The following AK7 variants were observed in gnomAD, a reference collection of about 807,000 sequenced individuals.
The protein encoded by AK7 is adenylate kinase 7, also known as ATP-AMP transphosphorylase 7.
In AK7, 78 loss-of-function variants were observed where a neutral mutation model predicts 96.6. The observed-to-expected ratio is 0.81, with a 90% CI of 0.67 to 0.97. The LOEUF (loss-of-function observed/expected upper bound fraction) is 0.97, where lower values mean the gene tolerates loss of function less well. Among genes scored for constraint, AK7 ranks in the 50% least tolerant of loss-of-function variants. The pLI, the probability that AK7 is intolerant of heterozygous loss-of-function variation, is 0.00. For missense variants in AK7, 855 were observed against 887.9 expected (o/e 0.96, Z 0.47); for synonymous variants, 302 against 317.2 (o/e 0.95, Z 0.51).
chr14:96,425,178 C>G (rs1410431436), intron 5 of AK7, among the ~76,000 whole-genome samples: 2 of 152,168 alleles, frequency 1.3e-5, no homozygotes, highest in East Asian at 3.9e-4. Context: ...TTAACACATT[C>G]ATTTAACTAA....
chr14:96,454,719 G>A (rs551352341), intron 10 of AK7, among the ~76,000 whole-genome samples: 11 of 150,234 alleles, frequency 7.3e-5, no homozygotes, highest in Non-Finnish European at 1.0e-4. Flanking sequence ...AGCTGGCCTC[G>A]TTTTTTGTAG....
chr14:96,450,066 C>A (rs1893501043), intron 9 of AK7, among the ~76,000 whole-genome samples, 187 bp downstream of exon 9: 1 of 152,066 alleles, frequency 6.6e-6, no homozygotes, highest in Admixed American at 6.6e-5. Context: ...TACCCTAAGA[C>A]AACTTACTCT....
intron 4 of AK7, among the ~76,000 whole-genome samples, chr14:96,420,265 G>A (rs750791851): frequency 1.6e-4 from 24 of 151,860 alleles, no homozygotes; most frequent in Non-Finnish European, 3.1e-4. Flanking sequence ...GGGAGGCTGA[G>A]GTGGGCAGAT....
Position 96,471,541 on chromosome 14 carries a change from G to A in AK7, c.1421G>A (p.Arg474Lys). ...GAAAAGCTAAAATCAATGCCTTGCAGGAATCAAGGTTATATTTTGGATGGA... is the reference window on the plus strand; with the variant it reads ...GAAAAGCTAAAATCAATGCCTTGCAAGAATCAAGGTTATATTTTGGATGGA... ...MKEKLKSMPC[R>K]NQGYILDGFP... The change falls in exon 13 of 18, where the codon AGG (arginine) becomes AAG (lysine). Residue 474 changes from arginine to lysine, a missense_variant. Coordinates refer to ENST00000267584, the MANE Select transcript of AK7 (RefSeq NM_152327.5). 3 of 1,584,796 alleles carry A rather than the reference G, an allele frequency of 1.9e-6. No homozygotes were observed. Among genetic ancestry groups the A allele is most frequent in the Non-Finnish European group, 2.6e-6 (3 of 1,160,776 alleles).
chr14:96,468,547 T>A (rs1894711009), intron 12 of AK7, among the ~76,000 whole-genome samples: 1 of 152,062 alleles, frequency 6.6e-6, no homozygotes, highest in Non-Finnish European at 1.5e-5. Context: ...TCCACCTGCC[T>A]CGGGCTCCCA....
At chr14:96,440,496 C>A (rs996281780) in intron 6 of AK7, among the ~76,000 whole-genome samples, 5 of 152,144 alleles carry the variant, frequency 3.3e-5, no homozygotes, top group Admixed American at 6.6e-5. Context: ...CAGTCTCCAG[C>A]GAGGCTCTCT....
intron 1 of AK7, 109 bp from the exon 2 acceptor site, chr14:96,397,966 G>A: frequency 9.1e-7 from 1 of 1,104,176 alleles, no homozygotes; most frequent in Non-Finnish European, 1.3e-6. Context: ...GCTTTGCCTT[G>A]GTGGCACCCA....
intron 6 of AK7, among the ~76,000 whole-genome samples, chr14:96,439,532 C>T (rs1892838985): frequency 6.6e-6 from 1 of 151,864 alleles, no homozygotes; most frequent in African/African-American, 2.4e-5. Context: ...GGCATGGTGG[C>T]GGGAGCCTGT....
chr14:96,442,135 G>C (rs1272490438), intron 6 of AK7, among the ~76,000 whole-genome samples: 1 of 152,136 alleles, frequency 6.6e-6, no homozygotes, highest in Admixed American at 6.5e-5. Context: ...ATGTCTGTTT[G>C]GTTACTGAAA....
intron 5 of AK7, among the ~76,000 whole-genome samples, chr14:96,434,196 T>G (rs1892512669): frequency 6.6e-6 from 1 of 152,218 alleles, no homozygotes; most frequent in Non-Finnish European, 1.5e-5. Context: ...TACCTGTCCC[T>G]CTTGGGAAGG....
intron 5 of AK7, among the ~76,000 whole-genome samples, chr14:96,431,096 G>A (rs575195677): frequency 2.4e-4 from 36 of 152,016 alleles, no homozygotes; most frequent in African/African-American, 8.4e-4. Flanking sequence ...TTGTGGGATC[G>A]GTGGCAATAT....
chr14:96,467,913 C>T (rs1203920462), intron 12 of AK7, among the ~76,000 whole-genome samples: 1 of 151,890 alleles, frequency 6.6e-6, no homozygotes, highest in Non-Finnish European at 1.5e-5. Flanking sequence ...AAGTGGAACA[C>T]TTTTGCTTCT....
chr14:96,400,725 CTT>C (rs1194211090), intron 2 of AK7, among the ~76,000 whole-genome samples: 5 of 152,340 alleles, frequency 3.3e-5, no homozygotes, highest in Admixed American at 2.6e-4. Flanking sequence ...GCAAGCATCT[CTT>C]TGAGTCTCAC....
chr14:96,472,713 G>A lies in AK7; in HGVS notation c.1513G>A (p.Val505Ile). ...GGAAGATGAGGAGGAGGAAGATGATGTCAGAGGCAGAATGTTTCCCTTTGA... is the reference window on the plus strand; with the variant it reads ...GGAAGATGAGGAGGAGGAAGATGATATCAGAGGCAGAATGTTTCCCTTTGA... ...NQEDEEEEDD[V>I]RGRMFPFDKL... The change falls in exon 14 of 18, where the codon GTC (valine) becomes ATC (isoleucine). Residue 505 changes from valine to isoleucine, a missense_variant. Coordinates refer to ENST00000267584, the MANE Select transcript of AK7 (RefSeq NM_152327.5). 1.9e-6 allele frequency: 3 copies of A among 1,613,108 alleles called. No homozygotes were observed. Among genetic ancestry groups the A allele is most frequent in the Non-Finnish European group, 2.5e-6 (3 of 1,179,110 alleles).
At chr14:96,434,721 C>G (rs1327896336) in intron 5 of AK7, among the ~76,000 whole-genome samples, 2 of 152,172 alleles carry the variant, frequency 1.3e-5, no homozygotes, top group Non-Finnish European at 2.9e-5. Flanking sequence ...GAAGTGCCAT[C>G]TGGGAGTCAG....
At chr14:96,487,302 T>C (rs1233217377) in intron 17 of AK7, among the ~76,000 whole-genome samples, 1 of 141,782 alleles carries the variant, frequency 7.1e-6, no homozygotes, top group African/African-American at 2.7e-5. Flanking sequence ...GAGAATCGCT[T>C]GAACCCTGGA....
intron 14 of AK7, among the ~76,000 whole-genome samples, chr14:96,476,505 CAA>C (rs34683106): frequency 1.1e-3 from 92 of 87,296 alleles, no homozygotes; most frequent in Middle Eastern, 6.2e-3. Flanking sequence ...GACTTTGTCT[CAA>C]AAAAAAAAAA....
chr14:96,426,793 T>C (rs889032272), intron 5 of AK7, among the ~76,000 whole-genome samples: 2 of 152,240 alleles, frequency 1.3e-5, no homozygotes, highest in Non-Finnish European at 2.9e-5. Flanking sequence ...TAGAGCTCCA[T>C]TGTATGTTAT....
At chr14:96,463,136 C>T (rs1007003237) in intron 12 of AK7, among the ~76,000 whole-genome samples, 1 of 132,176 alleles carries the variant, frequency 7.6e-6, no homozygotes, top group Admixed American at 8.3e-5. Context: ...GACTCCGCCT[C>T]AAAAAACAAA....
Sources: allele counts gnomAD v4.1 joint callset (sites outside exome capture counted in the v4.1 genomes callset), GRCh38; gene constraint gnomAD v4.1.1; transcripts MANE v1.5; gene names NCBI Gene and HGNC (gene_info 2026-07-23, HGNC 2026-07-21).